The following CSMD1 variants were observed in gnomAD, a reference collection of about 807,000 sequenced individuals.
CSMD1 encodes the protein CUB and sushi domain-containing protein 1.
CSMD1 carries 213 observed loss-of-function variants against 417.5 expected under a neutral mutation model. That is an observed-to-expected ratio of 0.51 (90% CI 0.46 to 0.57). The LOEUF (loss-of-function observed/expected upper bound fraction) is 0.57, where lower values mean the gene tolerates loss of function less well. CSMD1 is among the 20% of genes least tolerant of loss of function. CSMD1 has a pLI of 0.00. For synonymous variants in CSMD1, 2,862 were observed against 1,736.8 expected (o/e 1.65, Z -16.11); for missense variants, 6,923 against 4,529.7 (o/e 1.53, Z -15.17).
At chr8:3,683,849 T>A (rs1799794524) in intron 7 of CSMD1, among the ~76,000 whole-genome samples, 1 of 152,102 alleles carries the variant, frequency 6.6e-6, no homozygotes, top group Non-Finnish European at 1.5e-5. Flanking sequence ...GTAAAGAATA[T>A]TCATGAATGT....
intron 11 of CSMD1, among the ~76,000 whole-genome samples, chr8:3,478,427 T>A (rs1443961712): frequency 6.6e-6 from 1 of 152,186 alleles, no homozygotes; most frequent in East Asian, 1.9e-4. Flanking sequence ...GACATGCAGA[T>A]CCTTTTTTCC....
rs34887868 is a variant in CSMD1, at chr8:3,754,433, CTTATTTATTTAT to C, written c.819-403_819-392del. Among the ~76,000 whole-genome samples, 16 of 145,496 alleles carry C rather than the reference CTTATTTATTTAT, an allele frequency of 1.1e-4. No individual in the cohort carries two copies. The East Asian group carries it at 1.7e-3, about 16-fold the overall frequency. On this transcript the variant is annotated intron_variant, in intron 5 of 69. Transcript: ENST00000635120. Reference sequence around the variant, plus strand: ...TCACAATTTGAAGACTTAGTAATTCCTTATTTATTTATTTATTTATTTATTTATTTATTTATT... The same window carrying C: ...TCACAATTTGAAGACTTAGTAATTCCTTATTTATTTATTTATTTATTTATT...
chr8:4,724,756 G>A (rs1034472406), intron 1 of CSMD1, among the ~76,000 whole-genome samples: 3 of 151,992 alleles, frequency 2.0e-5, no homozygotes, highest in African/African-American at 7.2e-5. Context: ...CATTTATCAC[G>A]TTTTTTAAAA....
At chr8:3,109,987 T>C (rs1431818968) in intron 43 of CSMD1, among the ~76,000 whole-genome samples, 171 bp downstream of exon 43, 1 of 152,190 alleles carries the variant, frequency 6.6e-6, no homozygotes, top group African/African-American at 2.4e-5. Flanking sequence ...AAAACCCACA[T>C]GTACTATGTG....
At chr8:3,426,335 C>T (rs139148240) in intron 12 of CSMD1, among the ~76,000 whole-genome samples, 10 of 152,286 alleles carry the variant, frequency 6.6e-5, no homozygotes, top group African/African-American at 2.2e-4. Context: ...CCGTAGGTTA[C>T]GTATCAGACA....
At chr8:4,222,254 A>T (rs547637279) in intron 3 of CSMD1, among the ~76,000 whole-genome samples, 2 of 152,158 alleles carry the variant, frequency 1.3e-5, no homozygotes, top group South Asian at 2.1e-4. Flanking sequence ...GGGTCAGCTA[A>T]TCTTTTCCCA....
intron 10 of CSMD1, among the ~76,000 whole-genome samples, chr8:3,563,120 G>C (rs558447834): frequency 1.3e-5 from 2 of 151,968 alleles, no homozygotes; most frequent in East Asian, 1.9e-4. Flanking sequence ...ATATTTTCAA[G>C]AATTTATTTC....
chr8:3,575,124 C>G (rs1176328698), intron 9 of CSMD1, 58 bp from the exon 10 acceptor site: 2 of 1,487,548 alleles, frequency 1.3e-6, no homozygotes, highest in African/African-American at 1.4e-5. Flanking sequence ...TTGGTAAAGA[C>G]ATAACATTTA....
At chr8:3,457,415 C>T (rs1585193956) in intron 12 of CSMD1, among the ~76,000 whole-genome samples, 1 of 152,208 alleles carries the variant, frequency 6.6e-6, no homozygotes, top group East Asian at 1.9e-4. Context: ...CTGCTCACTC[C>T]CTTTCCCAAG....
chr8:3,715,435 C>T (rs1486925541), intron 6 of CSMD1, among the ~76,000 whole-genome samples: 1 of 152,090 alleles, frequency 6.6e-6, no homozygotes, highest in Non-Finnish European at 1.5e-5. Context: ...CATTTTTCTC[C>T]TCTTCTGCAT....
chr8:4,916,892 G>A (rs1019656071), intron 1 of CSMD1, among the ~76,000 whole-genome samples: 1 of 152,234 alleles, frequency 6.6e-6, no homozygotes, highest in South Asian at 2.1e-4. Flanking sequence ...CAGCATTACA[G>A]TTTTTGACTG....
intron 54 of CSMD1, among the ~76,000 whole-genome samples, chr8:2,984,842 T>C (rs1427572069): frequency 1.3e-5 from 2 of 152,242 alleles, no homozygotes; most frequent in African/African-American, 4.8e-5. Flanking sequence ...TCAGATTCTG[T>C]TGGTGTTTTT....
intron 3 of CSMD1, among the ~76,000 whole-genome samples, chr8:4,170,124 G>A (rs985347174): frequency 1.3e-5 from 2 of 151,774 alleles, no homozygotes; most frequent in East Asian, 1.9e-4. Context: ...TCTCCCTCCA[G>A]GGGCTTCTCT....
chr8:3,881,747 C>G (rs538825269), intron 5 of CSMD1, among the ~76,000 whole-genome samples: 6 of 151,448 alleles, frequency 4.0e-5, no homozygotes, highest in Non-Finnish European at 5.9e-5. Context: ...AAAATTTACT[C>G]CAGAAATTAA....
At chr8:4,105,896 C>G (rs1801543510) in intron 3 of CSMD1, among the ~76,000 whole-genome samples, 3 of 152,342 alleles carry the variant, frequency 2.0e-5, no homozygotes, top group African/African-American at 7.2e-5. Context: ...CGGCTCTGTG[C>G]TGGCCCCTGC....
At chr8:3,779,149 TTGTGTGTGTGTGTGTGTG>T (rs56294437) in intron 5 of CSMD1, among the ~76,000 whole-genome samples, 2 of 147,536 alleles carry the variant, frequency 1.4e-5, no homozygotes, top group Admixed American at 6.8e-5. Context: ...GCGTGCATAC[TTGTGTGTGTGTGTGTGTG>T]TGTGTGTGTG....
At chr8:4,309,634 C>T (rs1310300351) in intron 3 of CSMD1, among the ~76,000 whole-genome samples, 1 of 152,116 alleles carries the variant, frequency 6.6e-6, no homozygotes, top group African/African-American at 2.4e-5. Context: ...TGGGAAGGGG[C>T]ATACTGCTAC....
At chr8:4,966,439 T>C (rs1380680344) in intron 1 of CSMD1, among the ~76,000 whole-genome samples, 1 of 152,112 alleles carries the variant, frequency 6.6e-6, no homozygotes, top group African/African-American at 2.4e-5. Flanking sequence ...TGGAACACAT[T>C]TCCTTGTTAG....
At chr8:4,403,905 C>G (rs992838462) in intron 3 of CSMD1, among the ~76,000 whole-genome samples, 1 of 152,188 alleles carries the variant, frequency 6.6e-6, no homozygotes, top group Non-Finnish European at 1.5e-5. Context: ...CCCCTACCCA[C>G]ACCCGCATTA....
Sources: allele counts gnomAD v4.1 joint callset (sites outside exome capture counted in the v4.1 genomes callset), GRCh38; gene constraint gnomAD v4.1.1; transcripts MANE v1.5; gene names NCBI Gene and HGNC (gene_info 2026-07-23, HGNC 2026-07-21).